The following EMC9 variants were observed in gnomAD, a reference collection of about 807,000 sequenced individuals.
EMC9 encodes the protein UPF0172 protein FAM158A.
EMC9 carries 20 observed loss-of-function variants against 25.0 expected under a neutral mutation model. The ratio of observed to expected loss-of-function variants is 0.80; its 90% CI spans 0.56 to 1.16. EMC9 has a LOEUF of 1.16. EMC9 is among the 50% of genes most tolerant of loss of function. The pLI is 0.00. For missense variants in EMC9, 256 were observed against 268.7 expected, an observed-to-expected ratio of 0.95 and a Z score of 0.33; for synonymous variants, 100 against 107.0, an observed-to-expected ratio of 0.93 and a Z score of 0.40.
At position 24,141,318 on chromosome 14, in the gene EMC9, T is replaced by C. The variant is rs1384515690; in HGVS notation, c.-12-2A>G. 5.0e-6 allele frequency: 8 copies of C among 1,613,574 alleles called. No individual in the cohort carries two copies. The highest frequency in any genetic ancestry group is 6.8e-6 in the Non-Finnish European group (8 of 1,179,938). On this transcript the variant is annotated splice_acceptor_variant, in intron 1 of 5. Transcript: ENST00000216799. LOFTEE classifies it low-confidence loss of function (5UTR_SPLICE). The stretch of plus-strand genomic sequence containing the variant: ...CACCTCCCCCATGGCGAGCGAGGCC[T>C]GGACGGGAAGCAGCAAGCCGGATTA...
chr14:24,141,477 C>G lies in EMC9; in HGVS notation c.-52G>C. ...AACGCTAACTCGACTCGCAGGTAGC[C>G]CGCCGGCTCCCGGCGCCCTGGGTCC... On this transcript the variant is annotated 5_prime_UTR_variant, in exon 1 of 6. Transcript: ENST00000216799. 1 of 714,014 alleles carries G rather than the reference C, an allele frequency of 1.4e-6. No homozygotes were observed. Among genetic ancestry groups the G allele is most frequent in the East Asian group, 2.7e-5 (1 of 36,812 alleles). 44.2% of individuals were successfully genotyped at this position (714,014 alleles called of 1,614,324 possible).
rs762589197 is a variant in EMC9, at chr14:24,139,610, C to T, written c.280G>A (p.Gly94Arg). Residue 94 changes from glycine to arginine, a missense_variant, in exon 4 of 6, where the codon GGG (glycine) becomes AGG (arginine). Physicochemically the swap from Gly to Arg is moderately radical, Grantham distance 125. Transcript: ENST00000216799. This position sits in a 1 kb window ranked among gnomAD's most constrained non-coding sequence, Gnocchi z 4.6. The part of the protein sequence containing the change: ...ANAAVNDQSP[G>R]PLALKIAGRI... ...CCAGCAATTTTCAAGGCCAGGGGCCCAGGGCTGTGTAGAGGGAAGATCAGA... is the reference window on the plus strand; with the variant it reads ...CCAGCAATTTTCAAGGCCAGGGGCCTAGGGCTGTGTAGAGGGAAGATCAGA... 1.9e-6 allele frequency: 3 copies of T among 1,613,710 alleles called. No individual in the cohort carries two copies. The African/African-American group carries it at 4.0e-5, about 22-fold the overall frequency.
rs369285693 is a variant in EMC9 at position 24,141,308 on chromosome 14, G to A, written c.-4C>T. ...CCGAGATCTCCACCTCCCCCATGGC[G>A]AGCGAGGCCTGGACGGGAAGCAGCA... is the stretch of plus-strand genomic sequence containing the variant. On this transcript the variant is annotated 5_prime_UTR_variant, in exon 2 of 6. Coordinates refer to ENST00000216799, the MANE Select transcript of EMC9 (RefSeq NM_016049.4). 29 of 1,613,828 alleles carry A rather than the reference G, an allele frequency of 1.8e-5. No homozygotes were observed. In the African/African-American group the frequency reaches 2.4e-4, roughly 13 times the overall value.
chr14:24,139,775 C>G lies in EMC9; in HGVS notation c.276-161G>C. Reference sequence around the variant, plus strand: ...CTGCTGGATGCTTGATGCACGACTGCTTGATGCTTGAGTGCTGTGGGAGAC... The same window carrying G: ...CTGCTGGATGCTTGATGCACGACTGGTTGATGCTTGAGTGCTGTGGGAGAC... On this transcript the variant is annotated intron_variant, in intron 3 of 5. Coordinates refer to ENST00000216799, the MANE Select transcript of EMC9 (RefSeq NM_016049.4). The surrounding 1 kb of genome is among the most constrained non-coding windows in gnomAD (Gnocchi z 4.6). 6.5e-7 allele frequency: 1 copy of G among 1,542,298 alleles called. No individual in the cohort carries two copies. Among genetic ancestry groups the G allele is most frequent in the Non-Finnish European group, 8.8e-7 (1 of 1,141,876 alleles).
At position 24,139,616 on chromosome 14, in the gene EMC9, T is replaced by C; in HGVS notation, c.276-2A>G. On this transcript the variant is annotated splice_acceptor_variant, in intron 3 of 5. Transcript: ENST00000216799. LOFTEE classifies it high-confidence loss of function. This position sits in a 1 kb window ranked among gnomAD's most constrained non-coding sequence, Gnocchi z 4.6. Reference sequence around the variant, plus strand: ...ATTTTCAAGGCCAGGGGCCCAGGGCTGTGTAGAGGGAAGATCAGAGGAGTG... The same window carrying C: ...ATTTTCAAGGCCAGGGGCCCAGGGCCGTGTAGAGGGAAGATCAGAGGAGTG... 1.2e-6 allele frequency: 2 copies of C among 1,613,650 alleles called. No individual in the cohort carries two copies. Among genetic ancestry groups the C allele is most frequent in the Non-Finnish European group, 1.7e-6 (2 of 1,179,788 alleles).
At chr14:24,140,345 GA>G (rs1396266087) in intron 3 of EMC9, 3 of 151,858 alleles carry the variant, frequency 2.0e-5, no homozygotes, top group Non-Finnish European at 2.9e-5. Flanking sequence ...GAGGCGCGTG[GA>G]TCACCTGAGG....
chr14:24,140,789 G>GC (rs1394714073), intron 3 of EMC9, 100 bp downstream of exon 3: 3 of 1,301,234 alleles, frequency 2.3e-6, no homozygotes, highest in Admixed American at 1.9e-5. Flanking sequence ...CATCTTGTGC[G>GC]CCCCCGCCCC....
Position 24,139,632 on chromosome 14 carries a change from C to G in EMC9, c.276-18G>C, listed in dbSNP as rs1467828924. 6.2e-7 allele frequency: 1 copy of G among 1,612,276 alleles called. No individual in the cohort carries two copies. Among genetic ancestry groups the G allele is most frequent in the Admixed American group, 1.7e-5 (1 of 59,690 alleles). On this transcript the variant is annotated intron_variant, in intron 3 of 5. Transcript: ENST00000216799. This position sits in a 1 kb window ranked among gnomAD's most constrained non-coding sequence, Gnocchi z 4.6. ...GCCCAGGGCTGTGTAGAGGGAAGAT[C>G]AGAGGAGTGAGGAGCCAACTGTGGG...
Position 24,139,384 on chromosome 14 carries a change from CGGAGACCTTGGTTCTCCA to C in EMC9, c.398_415del (p.Leu133_Leu138del). ...CAAGTTCTTATCCTTAGGGACCCAGCGGAGACCTTGGTTCTCCAGGACGATGACCGGGGGCACACGAGG... is the reference window on the plus strand; with the variant it reads ...CAAGTTCTTATCCTTAGGGACCCAGCGGACGATGACCGGGGGCACACGAGG... On this transcript the variant is annotated inframe_deletion, in exon 5 of 6. Transcript: ENST00000216799. The surrounding 1 kb of genome is among the most constrained non-coding windows in gnomAD (Gnocchi z 4.6). The C allele has an allele frequency of 6.2e-7, 1 of 1,614,126 alleles. No individual in the cohort carries two copies. The highest frequency in any genetic ancestry group is 8.5e-7 in the Non-Finnish European group (1 of 1,180,004).
chr14:24,140,823 C>T, intron 3 of EMC9, 66 bp downstream of exon 3: 1 of 1,511,824 alleles, frequency 6.6e-7, no homozygotes, highest in South Asian at 1.1e-5. Flanking sequence ...CGCATCCTCG[C>T]CCTCTATTCC....
chr14:24,139,586 C>G lies in EMC9; in HGVS notation c.304G>C (p.Gly102Arg). The G allele has an allele frequency of 6.2e-7, 1 of 1,614,074 alleles. No homozygotes were observed. ...SPGPLALKIA[G>R]RIAEFFPDAV... The stretch of plus-strand genomic sequence containing the variant: ...TCAGGGAAGAATTCTGCAATTCGCC[C>G]AGCAATTTTCAAGGCCAGGGGCCCA... The change falls in exon 4 of 6, where the codon GGG becomes CGG. Residue 102 changes from glycine to arginine, a missense_variant. Physicochemically the swap from Gly to Arg is moderately radical, Grantham distance 125. Transcript: ENST00000216799. The surrounding 1 kb of genome is among the most constrained non-coding windows in gnomAD (Gnocchi z 4.6).
intron 1 of EMC9, 50 bp downstream of exon 1, chr14:24,141,388 T>TC: frequency 7.0e-7 from 1 of 1,435,250 alleles, no homozygotes; most frequent in Non-Finnish European, 9.7e-7. Context: ...TCCGTGAAGC[T>TC]CCCTCCAGCG....
rs1217623261 is a variant in EMC9 at position 24,141,386 on chromosome 14, G to T, written c.-13+52C>A. The T allele has an allele frequency of 2.1e-6, 3 of 1,434,478 alleles. No individual in the cohort carries two copies. The East Asian group carries it at 6.9e-5, about 33-fold the overall frequency. The allele number at this position is 1,434,478 out of a possible 1,614,324, so 88.9% of individuals were successfully genotyped here. On this transcript the variant is annotated intron_variant, in intron 1 of 5. Coordinates refer to ENST00000216799, the MANE Select transcript of EMC9 (RefSeq NM_016049.4). ...CCGGTGCCTAGCTCGCGTCCGTGAA[G>T]CTCCCTCCAGCGCTTCGGCACGCTC...
rs2037991665 is a variant in EMC9 at position 24,139,371 on chromosome 14, C to T, written c.429G>A (p.Lys143=). The T allele has an allele frequency of 1.2e-6, 2 of 1,613,998 alleles. No individual in the cohort carries two copies. The highest frequency in any genetic ancestry group is 1.3e-5 in the African/African-American group (1 of 74,916). Residue 143 remains lysine (K), a synonymous_variant, in exon 5 of 6, where the codon AAG becomes AAA. Coordinates refer to ENST00000216799, the MANE Select transcript of EMC9 (RefSeq NM_016049.4). The surrounding 1 kb of genome is among the most constrained non-coding windows in gnomAD (Gnocchi z 4.6). Reference sequence around the variant, plus strand: ...AGTGGGGTACTCACAAGTTCTTATCCTTAGGGACCCAGCGGAGACCTTGGT... The same window carrying T: ...AGTGGGGTACTCACAAGTTCTTATCTTTAGGGACCCAGCGGAGACCTTGGT... The part of the protein sequence containing the change: ...LENQGLRWVP[K]DKNLVMWRDW...
At position 24,139,407 on chromosome 14, in the gene EMC9, G is replaced by C; in HGVS notation, c.393C>G (p.Ile131Met). 1 of 1,614,184 alleles carries C rather than the reference G, an allele frequency of 6.2e-7. No homozygotes were observed. Among genetic ancestry groups the C allele is most frequent in the Non-Finnish European group, 8.5e-7 (1 of 1,180,036 alleles). The change falls in exon 5 of 6, where the codon ATC (isoleucine) becomes ATG (methionine). Residue 131 changes from isoleucine to methionine, a missense_variant. Ile to Met is a conservative substitution (Grantham distance 10). Transcript: ENST00000216799. This position sits in a 1 kb window ranked among gnomAD's most constrained non-coding sequence, Gnocchi z 4.6. Reference protein sequence around the residue: ...LVPQPRVPPVIVLENQGLRWV... With the variant: ...LVPQPRVPPVMVLENQGLRWV... Reference sequence around the variant, plus strand: ...AGCGGAGACCTTGGTTCTCCAGGACGATGACCGGGGGCACACGAGGCTGAG... The same window carrying C: ...AGCGGAGACCTTGGTTCTCCAGGACCATGACCGGGGGCACACGAGGCTGAG...
chr14:24,139,069 G>A lies in EMC9; in HGVS notation c.568C>T (p.Arg190Trp), dbSNP rs147669663. The A allele has an allele frequency of 2.1e-5, 34 of 1,613,978 alleles. No individual in the cohort carries two copies. The highest frequency in any genetic ancestry group is 9.9e-5 in the South Asian group (9 of 91,072). The change falls in exon 6 of 6, where the codon CGG becomes TGG. Residue 190 changes from arginine (R) to tryptophan (W), a missense_variant. Transcript: ENST00000216799. The surrounding 1 kb of genome is among the most constrained non-coding windows in gnomAD (Gnocchi z 4.6). ...CACTGGGTGATTTGAGTGTTGAGCCGCTGGTTGGTCCAGTCCTGCCGGATG... is the reference window on the plus strand; with the variant it reads ...CACTGGGTGATTTGAGTGTTGAGCCACTGGTTGGTCCAGTCCTGCCGGATG... ...DDIRQDWTNQRLNTQITQWVG... is the reference protein window; with the variant it reads ...DDIRQDWTNQWLNTQITQWVG...
chr14:24,139,952 C>T lies in EMC9; in HGVS notation c.276-338G>A. 2.2e-6 allele frequency: 1 copy of T among 453,400 alleles called. No homozygotes were observed. Among genetic ancestry groups the T allele is most frequent in the Non-Finnish European group, 4.3e-6 (1 of 232,166 alleles). 28.1% of individuals were successfully genotyped at this position (453,400 alleles called of 1,614,324 possible). A position where few individuals can be genotyped will look rare whatever the true frequency, so the allele number is the denominator to read the frequency against. ...TAAAGAATTTATGGTAATCATAGGA[C>T]AGTGTCTGTAATAAAACACTGGAAA... On this transcript the variant is annotated intron_variant, in intron 3 of 5. Transcript: ENST00000216799. The surrounding 1 kb of genome is among the most constrained non-coding windows in gnomAD (Gnocchi z 4.6).
Position 24,139,617 on chromosome 14 carries a change from G to A in EMC9, c.276-3C>T, listed in dbSNP as rs774937238. 3 of 1,613,688 alleles carry A rather than the reference G, an allele frequency of 1.9e-6. No homozygotes were observed. The East Asian group carries it at 6.7e-5, about 36-fold the overall frequency. On this transcript the variant is annotated splice_polypyrimidine_tract_variant and splice_region_variant and intron_variant, in intron 3 of 5. Coordinates refer to ENST00000216799, the MANE Select transcript of EMC9 (RefSeq NM_016049.4). This position sits in a 1 kb window ranked among gnomAD's most constrained non-coding sequence, Gnocchi z 4.6. ...TTTTCAAGGCCAGGGGCCCAGGGCT[G>A]TGTAGAGGGAAGATCAGAGGAGTGA... is the stretch of plus-strand genomic sequence containing the variant.
At position 24,141,215 on chromosome 14, in the gene EMC9, A is replaced by G. The variant is rs2038052570; in HGVS notation, c.90T>C (p.Phe30=). The G allele has an allele frequency of 6.2e-7, 1 of 1,614,068 alleles. No individual in the cohort carries two copies. Among genetic ancestry groups the G allele is most frequent in the African/African-American group, 1.3e-5 (1 of 74,940 alleles). Residue 30 remains phenylalanine (F), a synonymous_variant, in exon 2 of 6, where the codon TTT becomes TTC. Transcript: ENST00000216799. The part of the protein sequence containing the change: ...RYPHAAVNGL[F]LAPAPRSGEC... Reference sequence around the variant, plus strand: ...CTCCAGACCGCGGCGCTGGCGCCAAAAACAGCCCGTTGACTGCGGCGTGTG... The same window carrying G: ...CTCCAGACCGCGGCGCTGGCGCCAAGAACAGCCCGTTGACTGCGGCGTGTG...
Sources: allele counts gnomAD v4.1 joint callset, GRCh38; gene constraint gnomAD v4.1.1; non-coding constraint Gnocchi (gnomAD v3.1); transcripts MANE v1.5; gene names NCBI Gene and HGNC (gene_info 2026-07-23, HGNC 2026-07-21).